Variants in TNS3 observed in about 807,000 individuals in gnomAD.
TNS3 encodes the protein tensin 3.
TNS3 carries 45 observed loss-of-function variants against 140.9 expected under a neutral mutation model. The observed-to-expected ratio is 0.32, with a 90% CI of 0.25 to 0.41. TNS3 has a LOEUF of 0.41. Ranked by LOEUF, TNS3 falls within the 10% of genes least tolerant of loss-of-function variation. The pLI, the probability that TNS3 is intolerant of heterozygous loss-of-function variation, is 1.00. For missense variants in TNS3, 1,716 were observed against 1,906.7 expected (o/e 0.90, Z 1.86); for synonymous variants, 815 against 788.4 (o/e 1.03, Z -0.56).
chr7:47,356,492 T>C (rs1790000757), intron 17 of TNS3, among the ~76,000 whole-genome samples: 1 of 152,150 alleles, frequency 6.6e-6, no homozygotes, highest in Non-Finnish European at 1.5e-5. Context: ...GTACCCACAT[T>C]TTTAGCGTCT....
In TNS3 at chr7:47,517,266, C is replaced by T. The variant is rs571430125; in HGVS notation, c.-152-10322G>A. On this transcript the variant is annotated intron_variant, in intron 2 of 30. Coordinates refer to ENST00000311160, the MANE Select transcript of TNS3 (RefSeq NM_022748.12). ...GTGCTGTTTTCCTGGATGGTCTCCACAAGCCCCGCTTCAAATCACACTCAT... is the reference window on the plus strand; with the variant it reads ...GTGCTGTTTTCCTGGATGGTCTCCATAAGCCCCGCTTCAAATCACACTCAT... Among the ~76,000 whole-genome samples the T allele has an allele frequency of 3.3e-4, 50 of 152,282 alleles. 1 individual carries two copies. In the South Asian group the frequency reaches 1.0e-2, roughly 30 times the overall value.
intron 5 of TNS3, among the ~76,000 whole-genome samples, chr7:47,440,462 C>T (rs927535169): frequency 6.6e-6 from 1 of 152,142 alleles, no homozygotes; most frequent in Non-Finnish European, 1.5e-5. Context: ...GGGCAGGCCC[C>T]CAAGTGTGAG....
intron 4 of TNS3, among the ~76,000 whole-genome samples, chr7:47,456,339 A>G (rs1380013321): frequency 5.9e-5 from 9 of 152,146 alleles, no homozygotes; most frequent in Admixed American, 1.3e-4. Flanking sequence ...CTGCCGACCG[A>G]GCTTTTACCT....
chr7:47,344,807 G>C lies in TNS3; in HGVS notation c.2598C>G (p.Ser866Arg). The part of the protein sequence containing the change: ...VKTALRHPPF[S>R]PPEPPLSSPA... ...GGCTGCTCAGCGGGGGCTCAGGTGG[G>C]CTGAACGGAGGATGGCGCAGCGCTG... The change falls in exon 20 of 31, where the codon AGC (serine) becomes AGG (arginine). Residue 866 changes from serine to arginine, a missense_variant. Transcript: ENST00000311160. 6.2e-7 allele frequency: 1 copy of C among 1,613,522 alleles called. No individual in the cohort carries two copies. The highest frequency in any genetic ancestry group is 1.3e-5 in the African/African-American group (1 of 75,046).
intron 7 of TNS3, among the ~76,000 whole-genome samples, chr7:47,436,589 A>G (rs938867395): frequency 6.6e-6 from 1 of 152,136 alleles, no homozygotes; most frequent in African/African-American, 2.4e-5. Context: ...CCCAGAACTT[A>G]AAGTAAAATT....
intron 4 of TNS3, among the ~76,000 whole-genome samples, chr7:47,478,452 A>G (rs1207942277): frequency 6.6e-6 from 1 of 151,606 alleles, no homozygotes; most frequent in Non-Finnish European, 1.5e-5. Context: ...ATACACATAA[A>G]CTGACATACA....
chr7:47,470,833 C>A (rs992399095), intron 4 of TNS3, among the ~76,000 whole-genome samples: 6 of 152,186 alleles, frequency 3.9e-5, no homozygotes, highest in Non-Finnish European at 7.3e-5. Context: ...CCTCCACCTG[C>A]AGAGGTGGGA....
chr7:47,571,510 C>CCAGAGCTCA (rs71006509), intron 1 of TNS3, among the ~76,000 whole-genome samples: 150,468 of 152,200 alleles, frequency 0.99, 74,402 homozygotes, highest in Non-Finnish European at 1. Context: ...GCTGGTGTCC[C>CCAGAGCTCA]CAGAGCTGAC....
intron 20 of TNS3, among the ~76,000 whole-genome samples, chr7:47,331,939 C>T (rs565971871): frequency 1.3e-5 from 2 of 152,208 alleles, no homozygotes; most frequent in South Asian, 2.1e-4. Context: ...CTGGGGGGCA[C>T]CTTGGTAATG....
At chr7:47,336,374 C>A (rs549532355) in intron 20 of TNS3, among the ~76,000 whole-genome samples, 6 of 152,308 alleles carry the variant, frequency 3.9e-5, no homozygotes, top group Non-Finnish European at 7.4e-5. Context: ...CTTCAGCAAT[C>A]AGCTCTCGGT....
chr7:47,485,802 G>A (rs990597035), intron 3 of TNS3, among the ~76,000 whole-genome samples: 2 of 152,362 alleles, frequency 1.3e-5, no homozygotes, highest in East Asian at 1.9e-4. Flanking sequence ...ACCTGGCTAC[G>A]TGGGTGCCTG....
At chr7:47,396,628 G>A (rs1418831262) in intron 16 of TNS3, 172 bp downstream of exon 16, 18 of 636,586 alleles carry the variant, frequency 2.8e-5, no homozygotes, top group Middle Eastern at 3.0e-4. Context: ...TTATTCTCAC[G>A]AAGACCCTCA....
intron 1 of TNS3, among the ~76,000 whole-genome samples, chr7:47,566,869 GTCTC>G (rs1800440303): frequency 6.6e-6 from 1 of 151,888 alleles, no homozygotes; most frequent in Non-Finnish European, 1.5e-5. Context: ...GTGAAACCCC[GTCTC>G]TACTAACAAT....
chr7:47,283,669 C>A lies in TNS3; in HGVS notation c.4097+28G>T, dbSNP rs180841450. 4,744 of 1,511,794 alleles carry A rather than the reference C, an allele frequency of 3.1e-3. 7 individuals carry two copies. The highest frequency in any genetic ancestry group is 4.0e-3 in the Non-Finnish European group (4,560 of 1,129,040). The allele number at this position is 1,511,794 out of a possible 1,614,324, so 93.6% of individuals were successfully genotyped here. A position where few individuals can be genotyped will look rare whatever the true frequency, so the allele number is the denominator to read the frequency against. On this transcript the variant is annotated intron_variant, in intron 28 of 30. Coordinates refer to ENST00000311160, the MANE Select transcript of TNS3 (RefSeq NM_022748.12). ...ACGTGACAGCCCCGCCCCTGCTGGACGGCTCCTGCCTCCCTCTAGGCACTC... is the reference window on the plus strand; with the variant it reads ...ACGTGACAGCCCCGCCCCTGCTGGAAGGCTCCTGCCTCCCTCTAGGCACTC...
intron 16 of TNS3, among the ~76,000 whole-genome samples, chr7:47,376,226 G>T (rs931712056): frequency 1.3e-5 from 2 of 152,198 alleles, no homozygotes; most frequent in African/African-American, 4.8e-5. Context: ...AGATGGAAAG[G>T]GTGGTGGGCA....
intron 4 of TNS3, among the ~76,000 whole-genome samples, chr7:47,470,233 C>T (rs1282891123): frequency 1.3e-5 from 2 of 152,068 alleles, no homozygotes; most frequent in South Asian, 2.1e-4. Context: ...GGGAGAGGGA[C>T]GTGAATTGAA....
At chr7:47,430,177 G>A (rs1443968821) in intron 8 of TNS3, among the ~76,000 whole-genome samples, 1 of 148,912 alleles carries the variant, frequency 6.7e-6, no homozygotes, top group Non-Finnish European at 1.5e-5. Context: ...TGCCCAGGCT[G>A]GAGTGCAATG....
At chr7:47,278,972 G>A (rs1376725833) in intron 30 of TNS3, 2 of 152,168 alleles carry the variant, frequency 1.3e-5, no homozygotes, top group East Asian at 1.9e-4. Context: ...GCATCATGAA[G>A]GGACCAGTCA....
intron 1 of TNS3, among the ~76,000 whole-genome samples, chr7:47,541,163 G>A (rs1465783767): frequency 6.6e-6 from 1 of 152,194 alleles, no homozygotes; most frequent in Non-Finnish European, 1.5e-5. Flanking sequence ...GGATGATTGA[G>A]CATAAGGATC....
Sources: allele counts gnomAD v4.1 joint callset (sites outside exome capture counted in the v4.1 genomes callset), GRCh38; gene constraint gnomAD v4.1.1; transcripts MANE v1.5; gene names NCBI Gene and HGNC (gene_info 2026-07-23, HGNC 2026-07-21).